The following NCOR2 variants were observed in gnomAD, a reference collection of about 807,000 sequenced individuals.
NCOR2 encodes CTG repeat protein 26.
Under a neutral mutation model 262.9 loss-of-function variants are expected in NCOR2, and 81 were observed. The observed-to-expected ratio is 0.31, with a 90% CI of 0.26 to 0.37. NCOR2 has a LOEUF of 0.37. NCOR2 is among the 10% of genes least tolerant of loss of function. The pLI, the probability that NCOR2 is intolerant of heterozygous loss-of-function variation, is 1.00. For synonymous variants in NCOR2, 1,659 were observed against 1,559.3 expected (o/e 1.06, Z -1.51); for missense variants, 3,385 against 3,621.4 (o/e 0.93, Z 1.68).
intron 2 of NCOR2, 139 bp downstream of exon 4, chr12:124,486,302 G>C (rs956349361): frequency 7.3e-7 from 1 of 1,366,372 alleles, no homozygotes; most frequent in African/African-American, 1.5e-5. Flanking sequence ...GCCCACGCCA[G>C]GTCAAGGGTG....
At chr12:124,528,449 G>C (rs1017252832) in intron 1 of NCOR2, among the ~76,000 whole-genome samples, 4 of 152,154 alleles carry the variant, frequency 2.6e-5, no homozygotes. Flanking sequence ...TTCCATCCCA[G>C]CCCATTCCTG....
Position 124,430,598 on chromosome 12 carries a change from G to C in NCOR2, c.1055+17C>G, listed in dbSNP as rs756753437. 2.5e-6 allele frequency: 4 copies of C among 1,597,494 alleles called. No homozygotes were observed. The highest frequency in any genetic ancestry group is 3.4e-6 in the Non-Finnish European group (4 of 1,170,598). ...CGGGCCCTGACGTCGGGGGCCCTGG[G>C]CTCAGGCCCCGCTCACCTCTGCATG... On this transcript the variant is annotated intron_variant, in intron 9 of 46. Coordinates refer to ENST00000405201, the Ensembl canonical transcript of NCOR2.
chr12:124,406,089 G>A (rs1053098306), intron 13 of NCOR2, among the ~76,000 whole-genome samples: 1 of 152,238 alleles, frequency 6.6e-6, no homozygotes, highest in Admixed American at 6.5e-5. Flanking sequence ...TTGAGAACCA[G>A]TGCTTTACCA....
exon 31 of NCOR2, chr12:124,346,768 C>T (rs765940355): frequency 3.4e-5 from 53 of 1,557,960 alleles, no homozygotes; most frequent in Middle Eastern, 1.7e-4. Context: ...GCGGTGGGGG[C>T]GGAGGCGTGC....
At chr12:124,484,750 C>T (rs2047686030) in intron 2 of NCOR2, among the ~76,000 whole-genome samples, 2 of 152,228 alleles carry the variant, frequency 1.3e-5, no homozygotes, top group Admixed American at 1.3e-4. Flanking sequence ...ACCCGCCTGT[C>T]TGCTCTCTCT....
chr12:124,486,603 C>T (rs761681597), intron 1 of NCOR2, 35 bp from the exon 4 acceptor site: 32 of 1,538,456 alleles, frequency 2.1e-5, no homozygotes, highest in East Asian at 2.0e-4. Context: ...TGAGCGTGGG[C>T]GGGCACGGGC....
intron 18 of NCOR2, among the ~76,000 whole-genome samples, chr12:124,375,889 G>T (rs908572276): frequency 6.6e-6 from 1 of 152,202 alleles, no homozygotes; most frequent in African/African-American, 2.4e-5. Flanking sequence ...CCGGGGAGGG[G>T]CCTGCAGTGC....
chr12:124,430,899 A>C (rs1447615102), intron 8 of NCOR2, 112 bp from the exon 11 acceptor site: 16 of 1,295,560 alleles, frequency 1.2e-5, no homozygotes, highest in African/African-American at 1.5e-5. Context: ...CACACACACA[A>C]AGTCACACAG....
intron 1 of NCOR2, among the ~76,000 whole-genome samples, chr12:124,515,368 G>A (rs905811566): frequency 1.0e-5 from 1 of 98,180 alleles, no homozygotes; most frequent in Non-Finnish European, 2.1e-5. Context: ...GTGAGACTCG[G>A]TTTCAAAAAA....
chr12:124,402,693 T>C (rs1013345230), intron 13 of NCOR2, 132 bp from the exon 16 acceptor site: 97 of 1,476,208 alleles, frequency 6.6e-5, no homozygotes, highest in Non-Finnish European at 8.8e-5. Flanking sequence ...CCAGAAGAGG[T>C]CATAAACAAC....
intron 16 of NCOR2, among the ~76,000 whole-genome samples, chr12:124,393,317 G>A (rs2041441267): frequency 6.6e-6 from 1 of 152,174 alleles, no homozygotes; most frequent in African/African-American, 2.4e-5. Flanking sequence ...GCTGCCTCCT[G>A]AACATTCTCG....
intron 1 of NCOR2, among the ~76,000 whole-genome samples, chr12:124,508,312 G>A (rs998227994): frequency 6.6e-6 from 1 of 152,266 alleles, no homozygotes; most frequent in East Asian, 1.9e-4. Flanking sequence ...AATGTCTGAT[G>A]ACGGGACAGT....
rs533245121 is a variant in NCOR2, at chr12:124,456,006, G to C, written c.762+1100C>G. 2.9e-4 allele frequency among the ~76,000 whole-genome samples: 44 copies of C among 152,310 alleles called. 3 individuals carry two copies. In the South Asian group the frequency reaches 9.1e-3, roughly 32 times the overall value. On this transcript the variant is annotated intron_variant, in intron 6 of 46. Coordinates refer to ENST00000405201, the Ensembl canonical transcript of NCOR2. Reference sequence around the variant, plus strand: ...TCCTCCTGCCTCAGCCTCCCAAGTAGCTGGGACGAAAGGCGTGCATCACCA... The same window carrying C: ...TCCTCCTGCCTCAGCCTCCCAAGTACCTGGGACGAAAGGCGTGCATCACCA...
At chr12:124,334,722 G>A in intron 40 of NCOR2, 105 bp from the exon 43 acceptor site, 1 of 630,560 alleles carries the variant, frequency 1.6e-6, no homozygotes. Flanking sequence ...CCTGGGTGGG[G>A]CCAGCTTCCT....
At chr12:124,505,086 C>T (rs2136979286) in intron 1 of NCOR2, among the ~76,000 whole-genome samples, 1 of 152,164 alleles carries the variant, frequency 6.6e-6, no homozygotes, top group South Asian at 2.1e-4. Flanking sequence ...CAGCCATGGC[C>T]GGCTGGAAGT....
chr12:124,521,106 A>AT (rs1179949177), intron 1 of NCOR2, among the ~76,000 whole-genome samples: 1 of 149,460 alleles, frequency 6.7e-6, no homozygotes, highest in Non-Finnish European at 1.5e-5. Context: ...TGTGGGGCCC[A>AT]GGGGGGAGGT....
At chr12:124,400,629 T>G in exon 15 of NCOR2, 1 of 1,614,186 alleles carries the variant, frequency 6.2e-7, no homozygotes, top group South Asian at 1.1e-5. Flanking sequence ...GGCCACAGCC[T>G]CCTTCTCGTC....
intron 45 of NCOR2, among the ~76,000 whole-genome samples, chr12:124,326,729 AAGGCT>A (rs2034686418): frequency 6.6e-6 from 1 of 152,132 alleles, no homozygotes. Context: ...GGACCATGCT[AAGGCT>A]AGGCAGGATC....
At chr12:124,553,771 C>A (rs1319121232) in intron 1 of NCOR2, among the ~76,000 whole-genome samples, 1 of 152,232 alleles carries the variant, frequency 6.6e-6, no homozygotes, top group African/African-American at 2.4e-5. Flanking sequence ...AAGAAATCCC[C>A]CCACTGCTGA....
Sources: allele counts gnomAD v4.1 joint callset (sites outside exome capture counted in the v4.1 genomes callset), GRCh38; gene constraint gnomAD v4.1.1; transcripts MANE v1.5; gene names NCBI Gene and HGNC (gene_info 2026-07-23, HGNC 2026-07-21).